Variants in FAM210A observed in about 807,000 individuals in gnomAD.
FAM210A encodes mitochondrial inner membrane scaffold 1, also known as family with sequence similarity 210 member A.
In FAM210A, 13 loss-of-function variants were observed where a neutral mutation model predicts 25.3. The ratio of observed to expected loss-of-function variants is 0.51; its 90% CI spans 0.33 to 0.82. The LOEUF (loss-of-function observed/expected upper bound fraction) is 0.82. Ranked by LOEUF, FAM210A falls within the 40% of genes least tolerant of loss-of-function variation. The pLI, the probability that FAM210A is intolerant of heterozygous loss-of-function variation, is 0.02. For missense variants in FAM210A, 319 were observed against 323.2 expected, an observed-to-expected ratio of 0.99 and a Z score of 0.10; for synonymous variants, 125 against 118.7, an observed-to-expected ratio of 1.05 and a Z score of -0.35.
intron 1 of FAM210A, among the ~76,000 whole-genome samples, chr18:13,688,327 G>A (rs943358991): frequency 2.6e-5 from 4 of 152,070 alleles, no homozygotes; most frequent in East Asian, 1.9e-4. Flanking sequence ...CCTACAGCTC[G>A]GCCCCATCCT....
At chr18:13,695,820 C>T (rs2043687827) in intron 1 of FAM210A, among the ~76,000 whole-genome samples, 2 of 151,952 alleles carry the variant, frequency 1.3e-5, no homozygotes, top group African/African-American at 4.8e-5. Context: ...ATGTAACAAA[C>T]CGGCACGTTG....
At chr18:13,691,130 T>C (rs1012608941) in intron 1 of FAM210A, among the ~76,000 whole-genome samples, 9 of 152,098 alleles carry the variant, frequency 5.9e-5, no homozygotes, top group Non-Finnish European at 1.3e-4. Context: ...AGTAACCAAT[T>C]TGATCAAGTG....
At chr18:13,686,264 C>G (rs1169100531) in intron 1 of FAM210A, among the ~76,000 whole-genome samples, 1 of 152,132 alleles carries the variant, frequency 6.6e-6, no homozygotes, top group South Asian at 2.1e-4. Flanking sequence ...TAAAATGAGA[C>G]CGAAATCACG....
intron 2 of FAM210A, among the ~76,000 whole-genome samples, chr18:13,678,959 T>A (rs898656453): frequency 2.0e-5 from 3 of 152,226 alleles, no homozygotes; most frequent in African/African-American, 7.2e-5. Flanking sequence ...TTGATCAAAC[T>A]AAAGCACTTC....
chr18:13,714,066 T>G (rs1449066149), intron 1 of FAM210A, among the ~76,000 whole-genome samples: 1 of 152,182 alleles, frequency 6.6e-6, no homozygotes, highest in Non-Finnish European at 1.5e-5. Flanking sequence ...AACTTAACAG[T>G]GGAGCTTTTC....
chr18:13,698,018 T>A (rs554236604), intron 1 of FAM210A, among the ~76,000 whole-genome samples: 1 of 152,270 alleles, frequency 6.6e-6, no homozygotes, highest in South Asian at 2.1e-4. Flanking sequence ...AAAACAGTTT[T>A]TGGTCAGGTA....
At chr18:13,680,049 C>T (rs1419465667) in intron 2 of FAM210A, among the ~76,000 whole-genome samples, 1 of 152,272 alleles carries the variant, frequency 6.6e-6, no homozygotes, top group East Asian at 1.9e-4. Context: ...AGGCCGAATG[C>T]CTTGCCTTAT....
intron 1 of FAM210A, among the ~76,000 whole-genome samples, chr18:13,696,261 G>A (rs1268239740): frequency 6.6e-6 from 1 of 152,110 alleles, no homozygotes; most frequent in East Asian, 1.9e-4. Context: ...AAAATACCCA[G>A]AATAGCCAAC....
At chr18:13,696,317 C>T (rs1158285631) in intron 1 of FAM210A, among the ~76,000 whole-genome samples, 1 of 152,136 alleles carries the variant, frequency 6.6e-6, no homozygotes, top group African/African-American at 2.4e-5. Context: ...AGCAGACTCA[C>T]ATTATTAGAC....
chr18:13,692,065 A>C (rs974684441), intron 1 of FAM210A, among the ~76,000 whole-genome samples: 1 of 57,146 alleles, frequency 1.7e-5, no homozygotes, highest in African/African-American at 6.5e-5. Context: ...AAGATATACT[A>C]AGCAAATGGA....
intron 1 of FAM210A, among the ~76,000 whole-genome samples, chr18:13,686,656 T>C (rs868455567): frequency 1.8e-4 from 27 of 152,094 alleles, no homozygotes; most frequent in African/African-American, 6.5e-4. Flanking sequence ...CCACAAATTA[T>C]CAAACTTAGA....
chr18:13,703,186 G>A (rs2043754201), intron 1 of FAM210A, among the ~76,000 whole-genome samples: 1 of 152,208 alleles, frequency 6.6e-6, no homozygotes, highest in Non-Finnish European at 1.5e-5. Flanking sequence ...GGGGGTATCA[G>A]CAATTACTTC....
At chr18:13,667,152 T>A (rs1370574010) in intron 3 of FAM210A, among the ~76,000 whole-genome samples, 5 of 152,248 alleles carry the variant, frequency 3.3e-5, no homozygotes, top group Non-Finnish European at 4.4e-5. Context: ...AGGCAGAGCA[T>A]GAAACCACTC....
At chr18:13,676,099 G>T (rs1369067062) in intron 2 of FAM210A, among the ~76,000 whole-genome samples, 7 of 143,730 alleles carry the variant, frequency 4.9e-5, no homozygotes, top group Non-Finnish European at 7.5e-5. Flanking sequence ...CCAGTTTCCT[G>T]ATTATTAACA....
intron 2 of FAM210A, among the ~76,000 whole-genome samples, chr18:13,674,104 A>T (rs79944094): frequency 6.4e-5 from 8 of 124,112 alleles, no homozygotes; most frequent in South Asian, 5.0e-4. Context: ...CTTTATTTCC[A>T]GTTTCCTGAT....
chr18:13,707,907 T>G (rs1230997065), intron 1 of FAM210A, among the ~76,000 whole-genome samples: 5 of 151,968 alleles, frequency 3.3e-5, no homozygotes, highest in African/African-American at 1.2e-4. Context: ...TTTTTTTTTT[T>G]GTCTATAAAT....
intron 1 of FAM210A, among the ~76,000 whole-genome samples, chr18:13,718,252 C>G (rs1382795789): frequency 7.2e-5 from 11 of 152,156 alleles, no homozygotes; most frequent in Non-Finnish European, 1.3e-4. Context: ...CCTTAAGAAA[C>G]CTTCCCACTG....
chr18:13,687,486 A>T (rs968117231), intron 1 of FAM210A, among the ~76,000 whole-genome samples: 1 of 152,212 alleles, frequency 6.6e-6, no homozygotes, highest in Non-Finnish European at 1.5e-5. Context: ...TGGACGAGTG[A>T]GCCGGGCACA....
chr18:13,692,971 G>A (rs1419799569), intron 1 of FAM210A, among the ~76,000 whole-genome samples: 1 of 152,012 alleles, frequency 6.6e-6, no homozygotes, highest in Non-Finnish European at 1.5e-5. Flanking sequence ...TGGTTTTTTG[G>A]AAAGATCAGC....
Sources: gnomAD v4.1 joint callset for allele counts (sites outside exome capture counted in the v4.1 genomes callset) on GRCh38, gnomAD v4.1.1 for gene constraint, MANE v1.5 for transcripts, NCBI Gene and HGNC (gene_info 2026-07-23, HGNC 2026-07-21) for gene names.